Variants in CENPH observed in about 807,000 individuals in gnomAD.
The protein encoded by CENPH is centromere protein H, also known as CENP-H.
CENPH carries 40 observed loss-of-function variants against 42.9 expected under a neutral mutation model. That is an observed-to-expected ratio of 0.93 (90% CI 0.72 to 1.21). The LOEUF is 1.21. CENPH is among the 50% of genes most tolerant of loss of function. The pLI is 0.00. For synonymous variants in CENPH, 88 were observed against 96.5 expected (o/e 0.91, Z 0.52); for missense variants, 302 against 292.9 (o/e 1.03, Z -0.23).
chr5:69,194,741 A>T, intron 3 of CENPH, 46 bp downstream of exon 3: 1 of 1,197,054 alleles, frequency 8.4e-7, no homozygotes. Context: ...ACTAAGATTT[A>T]ATCATATTTT....
chr5:69,196,945 G>C, intron 4 of CENPH, 108 bp from the exon 5 acceptor site: 1 of 641,906 alleles, frequency 1.6e-6, no homozygotes, highest in Non-Finnish European at 2.6e-6. Flanking sequence ...ACCTACTTCT[G>C]TTTTATGTAT....
At chr5:69,194,896 T>C (rs1243648584) in intron 3 of CENPH, among the ~76,000 whole-genome samples, 1 of 151,514 alleles carries the variant, frequency 6.6e-6, no homozygotes, top group African/African-American at 2.4e-5. Context: ...ACAGGCTCAT[T>C]GTACCACACC....
chr5:69,195,705 T>C lies in CENPH; in HGVS notation c.240-12T>C, dbSNP rs1236332342. On this transcript the variant is annotated splice_polypyrimidine_tract_variant and intron_variant, in intron 3 of 8. Coordinates refer to ENST00000283006, the MANE Select transcript of CENPH (RefSeq NM_022909.4). Reference sequence around the variant, plus strand: ...TATTGCTGAAATTCTTTTGCTCATGTTTCTTTGATAGTAAAATTGAAGACC... The same window carrying C: ...TATTGCTGAAATTCTTTTGCTCATGCTTCTTTGATAGTAAAATTGAAGACC... The C allele has an allele frequency of 6.8e-7, 1 of 1,469,944 alleles. No individual in the cohort carries two copies. Among genetic ancestry groups the C allele is most frequent in the African/African-American group, 1.4e-5 (1 of 71,274 alleles). The allele number at this position is 1,469,944 out of a possible 1,614,324, so 91.1% of individuals were successfully genotyped here.
intron 3 of CENPH, among the ~76,000 whole-genome samples, chr5:69,195,232 A>G (rs936976646): frequency 6.6e-6 from 1 of 151,918 alleles, no homozygotes; most frequent in Admixed American, 6.6e-5. Flanking sequence ...CGCCTCAAAA[A>G]TATATATATA....
intron 7 of CENPH, among the ~76,000 whole-genome samples, chr5:69,203,199 G>A (rs1748085555): frequency 6.6e-6 from 1 of 152,042 alleles, no homozygotes; most frequent in Admixed American, 6.6e-5. Flanking sequence ...AGACAGTCTT[G>A]CTCTATCACC....
intron 4 of CENPH, among the ~76,000 whole-genome samples, chr5:69,196,838 G>A: frequency 6.6e-6 from 1 of 152,042 alleles, no homozygotes; most frequent in Non-Finnish European, 1.5e-5. Context: ...CATTCTGGCA[G>A]TGTATACCCA....
At chr5:69,198,211 C>G (rs1204731846) in intron 5 of CENPH, among the ~76,000 whole-genome samples, 2 of 152,024 alleles carry the variant, frequency 1.3e-5, no homozygotes, top group African/African-American at 4.8e-5. Flanking sequence ...TGAGCCACCG[C>G]ACCCGGCCTC....
chr5:69,200,828 T>TC (rs5868573), intron 5 of CENPH, among the ~76,000 whole-genome samples: 95,636 of 145,244 alleles, frequency 0.66, 33,124 homozygotes, highest in African/African-American at 0.89. Flanking sequence ...AACCTCTGCC[T>TC]CCAGGTTCAA....
intron 7 of CENPH, among the ~76,000 whole-genome samples, chr5:69,206,951 C>T (rs1488717106): frequency 6.6e-6 from 1 of 151,990 alleles, no homozygotes. Context: ...TTCTGGCAAT[C>T]TTCCTGCCTC....
At chr5:69,198,894 G>T (rs1457331546) in intron 5 of CENPH, among the ~76,000 whole-genome samples, 1 of 151,968 alleles carries the variant, frequency 6.6e-6, no homozygotes, top group Non-Finnish European at 1.5e-5. Context: ...GCAGTAAGCT[G>T]TGATCTTGCC....
intron 1 of CENPH, 132 bp from the exon 2 acceptor site, chr5:69,191,663 T>C (rs945815771): frequency 7.0e-5 from 42 of 597,926 alleles, no homozygotes; most frequent in Admixed American, 2.4e-4. Context: ...AGTTTGTAAT[T>C]AGGAGTTTAA....
chr5:69,190,516 T>C (rs1393769235), intron 1 of CENPH, among the ~76,000 whole-genome samples: 1 of 152,214 alleles, frequency 6.6e-6, no homozygotes, highest in Non-Finnish European at 1.5e-5. Context: ...CTAAAAAATT[T>C]ACTATCAGGT....
At position 69,208,247 on chromosome 5, in the gene CENPH, A is replaced by G. The variant is rs1242433582; in HGVS notation, c.539A>G (p.Asn180Ser). Residue 180 changes from asparagine (N) to serine (S), a missense_variant, in exon 8 of 9, where the codon AAC (asparagine) becomes AGC (serine). Coordinates refer to ENST00000283006, the MANE Select transcript of CENPH (RefSeq NM_022909.4). ...CTTTTAGAAATACAGACTGAAAAGA[A>G]CAAACAGAAGATTGATTTGGACAGT... ...SKLLEIQTEK[N>S]KQKIDLDSME... 1 of 1,594,308 alleles carries G rather than the reference A, an allele frequency of 6.3e-7. No homozygotes were observed. The highest frequency in any genetic ancestry group is 1.3e-5 in the African/African-American group (1 of 74,548).
At chr5:69,206,192 T>C (rs1748156362) in intron 7 of CENPH, among the ~76,000 whole-genome samples, 2 of 151,514 alleles carry the variant, frequency 1.3e-5, no homozygotes, top group Admixed American at 1.3e-4. Flanking sequence ...GGTTGGGTTT[T>C]TTTTTTTTAT....
chr5:69,192,760 G>C lies in CENPH; in HGVS notation c.190+910G>C, dbSNP rs1202350943. On this transcript the variant is annotated intron_variant, in intron 2 of 8. Coordinates refer to ENST00000283006, the MANE Select transcript of CENPH (RefSeq NM_022909.4). ...CTGGGCAACAGAGTGAGACTGTCAG[G>C]CAATCAACAGAGAAATAAGTATTGA... Among the ~76,000 whole-genome samples, 13 of 152,130 alleles carry C rather than the reference G, an allele frequency of 8.5e-5. 1 individual carries two copies. Among genetic ancestry groups the C allele is most frequent in the African/African-American group, 3.1e-4 (13 of 41,420 alleles).
In CENPH at chr5:69,204,055, A is replaced by AATAT. The variant is rs1308002314; in HGVS notation, c.487+1085_487+1086insATAT. Among the ~76,000 whole-genome samples the AATAT allele has an allele frequency of 1.9e-4, 14 of 75,022 alleles. 1 individual carries two copies. The highest frequency in any genetic ancestry group is 8.2e-4 in the East Asian group (2 of 2,428). 49.2% of individuals were successfully genotyped at this position (75,022 alleles called of 152,430 possible). On this transcript the variant is annotated intron_variant, in intron 7 of 8. Transcript: ENST00000283006. ...ATAATTATATATATTTATATATTAT[A>AATAT]TATATAAATATATATAATATATAAA... is the stretch of plus-strand genomic sequence containing the variant.
Position 69,202,518 on chromosome 5 carries a change from TA to T in CENPH, c.386del (p.Asn129ThrfsTer2). On this transcript the variant is annotated frameshift_variant, in exon 6 of 9. Coordinates refer to ENST00000283006, the MANE Select transcript of CENPH (RefSeq NM_022909.4). LOFTEE classifies it high-confidence loss of function. Reference sequence around the variant, plus strand: ...GTTTCCTTTTCAGTGTGCTCATGGATAACATGAAACACCTATTAGAGCTAAA... The same window carrying T: ...GTTTCCTTTTCAGTGTGCTCATGGATACATGAAACACCTATTAGAGCTAAA... The part of the protein sequence containing the change: ...ISRQSSVLMD[N>X]MKHLLELNKL... The T allele has an allele frequency of 6.4e-7, 1 of 1,559,838 alleles. No individual in the cohort carries two copies. The highest frequency in any genetic ancestry group is 8.8e-7 in the Non-Finnish European group (1 of 1,136,076).
intron 3 of CENPH, 57 bp downstream of exon 3, chr5:69,194,752 CTAT>C (rs1747935993): frequency 1.8e-6 from 2 of 1,135,346 alleles, no homozygotes; most frequent in Admixed American, 2.2e-5. Context: ...ATCATATTTT[CTAT>C]TATTTTGTTG....
intron 7 of CENPH, among the ~76,000 whole-genome samples, chr5:69,205,079 C>T (rs865821379): frequency 3.3e-5 from 5 of 149,644 alleles, no homozygotes; most frequent in South Asian, 4.2e-4. Flanking sequence ...CCACCACGCC[C>T]AGCTAATTTT....
Sources: gnomAD v4.1 joint callset for allele counts (sites outside exome capture counted in the v4.1 genomes callset) on GRCh38, gnomAD v4.1.1 for gene constraint, MANE v1.5 for transcripts, NCBI Gene and HGNC (gene_info 2026-07-23, HGNC 2026-07-21) for gene names.